Variants in MYO3B observed in about 807,000 individuals in gnomAD.
The protein encoded by MYO3B is myosin IIIB.
A neutral mutation model predicts 174.6 loss-of-function variants in MYO3B; 156 were observed. The observed-to-expected ratio is 0.89, with a 90% CI of 0.78 to 1.02. MYO3B has a LOEUF of 1.02. MYO3B is among the 50% of genes least tolerant of loss of function. MYO3B has a pLI of 0.00. For synonymous variants in MYO3B, 563 were observed against 569.1 expected, an observed-to-expected ratio of 0.99 and a Z score of 0.15; for missense variants, 1,632 against 1,639.4, an observed-to-expected ratio of 1.00 and a Z score of 0.08.
intron 32 of MYO3B, among the ~76,000 whole-genome samples, chr2:170,631,209 C>T (rs2105382913): frequency 6.6e-6 from 1 of 152,176 alleles, no homozygotes; most frequent in East Asian, 1.9e-4. Flanking sequence ...CCTTAAAGGA[C>T]CTGATGGAGC....
intron 8 of MYO3B, chr2:170,350,663 T>C (rs1200882005): frequency 1.3e-5 from 2 of 152,138 alleles, no homozygotes; most frequent in African/African-American, 2.4e-5. Flanking sequence ...TAAAATTAGG[T>C]TAAAATCAAG....
chr2:170,484,971 T>A (rs1428767861), intron 25 of MYO3B, among the ~76,000 whole-genome samples: 1 of 152,150 alleles, frequency 6.6e-6, no homozygotes, highest in African/African-American at 2.4e-5. Context: ...TTATATGGAT[T>A]GAATTGTTCA....
chr2:170,473,214 C>T (rs1685094500), intron 25 of MYO3B, among the ~76,000 whole-genome samples: 1 of 136,096 alleles, frequency 7.3e-6, no homozygotes. Context: ...GTGATCTCGG[C>T]TTACTGCAAG....
chr2:170,439,250 T>C (rs1326778236), intron 22 of MYO3B, among the ~76,000 whole-genome samples: 1 of 151,508 alleles, frequency 6.6e-6, no homozygotes, highest in African/African-American at 2.4e-5. Context: ...TGGGCGCCTG[T>C]AGTCCCAGCT....
intron 16 of MYO3B, among the ~76,000 whole-genome samples, chr2:170,398,228 GAAAAAAAAAAAAA>G (rs34432719): frequency 1.1e-5 from 1 of 87,960 alleles, no homozygotes; most frequent in Non-Finnish European, 2.2e-5. Flanking sequence ...TGTCTCAAAA[GAAAAAAAAAAAAA>G]AAAAAAAAAA....
intron 32 of MYO3B, among the ~76,000 whole-genome samples, chr2:170,567,138 T>G (rs1160549724): frequency 6.6e-6 from 1 of 152,200 alleles, no homozygotes; most frequent in Non-Finnish European, 1.5e-5. Flanking sequence ...GATGTCTTCT[T>G]GTCTTTCCAG....
intron 7 of MYO3B, among the ~76,000 whole-genome samples, chr2:170,263,860 C>T (rs766915618): frequency 9.9e-5 from 15 of 152,146 alleles, no homozygotes; most frequent in African/African-American, 3.4e-4. Context: ...GACCCTTTAC[C>T]GGTATCTCGG....
At chr2:170,644,381 G>A (rs1394791147) in intron 32 of MYO3B, 1 of 151,786 alleles carries the variant, frequency 6.6e-6, no homozygotes, top group African/African-American at 2.4e-5. Context: ...TCACCTCCCA[G>A]GTTCAAATGA....
chr2:170,421,645 G>A (rs748651244), intron 22 of MYO3B, among the ~76,000 whole-genome samples: 1 of 152,152 alleles, frequency 6.6e-6, no homozygotes, highest in Non-Finnish European at 1.5e-5. Context: ...GCCCTCTTCT[G>A]CCCTTGTCTT....
chr2:170,592,330 A>G (rs1448475063), intron 32 of MYO3B, among the ~76,000 whole-genome samples: 1 of 152,202 alleles, frequency 6.6e-6, no homozygotes, highest in Admixed American at 6.5e-5. Flanking sequence ...CTTCAAAGAC[A>G]TAGGATTCAA....
At chr2:170,607,824 A>T (rs1694905648) in intron 32 of MYO3B, among the ~76,000 whole-genome samples, 1 of 152,212 alleles carries the variant, frequency 6.6e-6, no homozygotes, top group Admixed American at 6.5e-5. Context: ...ATTTTATAAT[A>T]ATGTAGGTTT....
Position 170,321,633 on chromosome 2 carries a change from A to G in MYO3B, c.750-13752A>G, listed in dbSNP as rs73016929. Among the ~76,000 whole-genome samples the G allele has an allele frequency of 5.7e-3, 865 of 152,284 alleles. 12 individuals carry two copies. Among genetic ancestry groups the G allele is most frequent in the African/African-American group, 0.02 (817 of 41,568 alleles). ...TTATTCACTAGTCATTCACAACTAG[A>G]GTGAAGTGAGAGAGATTACAGTTTC... is the stretch of plus-strand genomic sequence containing the variant. On this transcript the variant is annotated intron_variant, in intron 7 of 34. Transcript: ENST00000408978.
At chr2:170,547,070 A>G (rs1690543029) in intron 32 of MYO3B, among the ~76,000 whole-genome samples, 2 of 151,948 alleles carry the variant, frequency 1.3e-5, no homozygotes, top group African/African-American at 4.8e-5. Flanking sequence ...CTGTAATCCC[A>G]GCACTTTGGG....
rs192740340 is a variant in MYO3B, at chr2:170,573,655, G to A, written c.3733+29667G>A. Among the ~76,000 whole-genome samples, 329 of 152,172 alleles carry A rather than the reference G, an allele frequency of 2.2e-3. 2 individuals carry two copies. The highest frequency in any genetic ancestry group is 7.3e-3 in the African/African-American group (302 of 41,528). On this transcript the variant is annotated intron_variant, in intron 32 of 34. Coordinates refer to ENST00000408978, the MANE Select transcript of MYO3B (RefSeq NM_138995.5). ...CATTATTAAATAAGCTCTAAGGGGA[G>A]GGAATGACTTTCTCAGCACAAACTG... is the stretch of plus-strand genomic sequence containing the variant.
chr2:170,621,151 A>C (rs767345145), intron 32 of MYO3B, among the ~76,000 whole-genome samples: 62 of 152,056 alleles, frequency 4.1e-4, no homozygotes, highest in Non-Finnish European at 6.0e-4. Flanking sequence ...GGCCTCCCAA[A>C]GTGCTGGGAT....
At chr2:170,478,889 T>TACACAC (rs143792197) in intron 25 of MYO3B, among the ~76,000 whole-genome samples, 4,265 of 137,246 alleles carry the variant, frequency 0.031, 136 homozygotes, top group African/African-American at 0.075. Flanking sequence ...AGGTTTTACA[T>TACACAC]ACACACACAC....
intron 22 of MYO3B, 94 bp from the exon 23 acceptor site, chr2:170,443,873 T>A: frequency 1.0e-6 from 1 of 999,836 alleles, no homozygotes; most frequent in Non-Finnish European, 1.4e-6. Flanking sequence ...TTTTGAAAAT[T>A]CAGAAAAATA....
chr2:170,237,792 G>T (rs2093088262), intron 7 of MYO3B, among the ~76,000 whole-genome samples: 1 of 152,092 alleles, frequency 6.6e-6, no homozygotes, highest in Non-Finnish European at 1.5e-5. Context: ...TTAGTTTAAG[G>T]CTTTGTTTCT....
Position 170,498,648 on chromosome 2 carries a change from G to T in MYO3B, c.3071G>T (p.Cys1024Phe), listed in dbSNP as rs1417013744. The T allele has an allele frequency of 6.2e-7, 1 of 1,614,124 alleles. No homozygotes were observed. The highest frequency in any genetic ancestry group is 1.1e-5 in the South Asian group (1 of 91,074). The change falls in exon 26 of 35, where the codon TGT becomes TTT. Residue 1024 changes from cysteine to phenylalanine, a missense_variant. Coordinates refer to ENST00000408978, the MANE Select transcript of MYO3B (RefSeq NM_138995.5). ...ACACCTCTTGCTAGCAAAGAGAGCT[G>T]TGTGGCTATCTTGGAAAAGTCCAGA... ...HQTPLASKES[C>F]VAILEKSRLD...
Sources: gnomAD v4.1 joint callset for allele counts (sites outside exome capture counted in the v4.1 genomes callset) on GRCh38, gnomAD v4.1.1 for gene constraint, MANE v1.5 for transcripts, NCBI Gene and HGNC (gene_info 2026-07-23, HGNC 2026-07-21) for gene names.